PAQR7: variants seen among roughly 807,000 people sequenced by gnomAD.
PAQR7 encodes the protein membrane progestin receptor alpha.
PAQR7 carries 14 observed loss-of-function variants against 24.6 expected under a neutral mutation model. The ratio of observed to expected loss-of-function variants is 0.57; its 90% CI spans 0.38 to 0.89. The LOEUF (loss-of-function observed/expected upper bound fraction) is 0.89. Ranked by LOEUF, PAQR7 falls within the 40% of genes least tolerant of loss-of-function variation. The pLI is 0.00. For synonymous variants in PAQR7, 189 were observed against 198.8 expected, an observed-to-expected ratio of 0.95 and a Z score of 0.42; for missense variants, 351 against 444.0, an observed-to-expected ratio of 0.79 and a Z score of 1.88.
At chr1:25,872,368 G>T (rs2048612944) in intron 1 of PAQR7, among the ~76,000 whole-genome samples, 1 of 152,094 alleles carries the variant, frequency 6.6e-6, no homozygotes, top group Non-Finnish European at 1.5e-5. Context: ...GGGCCCTTAG[G>T]CCCTGGGACA....
intron 1 of PAQR7, among the ~76,000 whole-genome samples, chr1:25,873,938 C>T (rs929331511): frequency 1.3e-5 from 2 of 152,160 alleles, no homozygotes; most frequent in African/African-American, 4.8e-5. Context: ...GGCTGAAGTA[C>T]AATGGCAAGA....
At chr1:25,865,775 C>G (rs2048552081) in intron 2 of PAQR7, among the ~76,000 whole-genome samples, 2 of 152,024 alleles carry the variant, frequency 1.3e-5, no homozygotes, top group African/African-American at 4.8e-5. Flanking sequence ...CCACTGCACT[C>G]CAGCCTGGGC....
chr1:25,869,882 T>C (rs1194926475), intron 2 of PAQR7, among the ~76,000 whole-genome samples: 1 of 152,116 alleles, frequency 6.6e-6, no homozygotes, highest in Non-Finnish European at 1.5e-5. Flanking sequence ...CTTAGGTGAG[T>C]GACAGCGCTC....
chr1:25,866,731 TTTTGTTTG>T, intron 2 of PAQR7, among the ~76,000 whole-genome samples: 1 of 152,188 alleles, frequency 6.6e-6, no homozygotes, highest in South Asian at 2.1e-4. Context: ...TTTTTGTGTG[TTTTGTTTG>T]TTTGTTTGTT....
chr1:25,865,367 A>G (rs931812113), intron 2 of PAQR7, among the ~76,000 whole-genome samples: 2 of 152,142 alleles, frequency 1.3e-5, no homozygotes, highest in South Asian at 4.1e-4. Flanking sequence ...CTGGCACTCA[A>G]TGTTTGCTGA....
rs1316208121 is a variant in PAQR7, at chr1:25,875,588, G to A, written c.-209C>T. On this transcript the variant is annotated 5_prime_UTR_variant, in exon 1 of 3. Transcript: ENST00000675840. This position sits in a 1 kb window ranked among gnomAD's most constrained non-coding sequence, Gnocchi z 5.4. Reference sequence around the variant, plus strand: ...CGGCCCCGCCCCAAGCCGGGGGAGGGCGGGCGGCCTCGGGCGCTCTGGCTA... The same window carrying A: ...CGGCCCCGCCCCAAGCCGGGGGAGGACGGGCGGCCTCGGGCGCTCTGGCTA... Among the ~76,000 whole-genome samples the A allele has an allele frequency of 6.6e-6, 1 of 151,730 alleles. No individual in the cohort carries two copies. The highest frequency in any genetic ancestry group is 1.5e-5 in the Non-Finnish European group (1 of 67,870).
At chr1:25,873,364 A>G (rs1215211989) in intron 1 of PAQR7, among the ~76,000 whole-genome samples, 1 of 152,190 alleles carries the variant, frequency 6.6e-6, no homozygotes, top group Non-Finnish European at 1.5e-5. Context: ...CAGATTATAC[A>G]GGCAAAGTTT....
intron 2 of PAQR7, among the ~76,000 whole-genome samples, chr1:25,865,581 G>A (rs1050185540): frequency 6.6e-5 from 10 of 151,870 alleles, no homozygotes; most frequent in Non-Finnish European, 1.3e-4. Context: ...AGGCCGAGGC[G>A]GGCGGATCAT....
At chr1:25,874,745 T>C (rs1392623719) in intron 1 of PAQR7, among the ~76,000 whole-genome samples, 1 of 152,148 alleles carries the variant, frequency 6.6e-6, no homozygotes, top group Non-Finnish European at 1.5e-5. Context: ...TACAGGGAAA[T>C]TTCTGAAGGT....
intron 2 of PAQR7, among the ~76,000 whole-genome samples, chr1:25,865,685 G>A (rs541358855): frequency 3.3e-5 from 5 of 152,278 alleles, no homozygotes; most frequent in African/African-American, 1.2e-4. Flanking sequence ...GCAGACACCT[G>A]CAGTCCCAGC....
chr1:25,863,002 T>C lies in PAQR7; in HGVS notation c.838A>G (p.Ile280Val). 1 of 1,613,948 alleles carries C rather than the reference T, an allele frequency of 6.2e-7. No homozygotes were observed. Among genetic ancestry groups the C allele is most frequent in the East Asian group, 2.2e-5 (1 of 44,848 alleles). Reference protein sequence around the residue: ...VFGQGHQLFHIFLVLCTLAQL... With the variant: ...VFGQGHQLFHVFLVLCTLAQL... ...GCCAGCGTGCACAGCACCAAGAAGA[T>C]GTGGAAAAGTTGGTGGCCCTGCCCG... Residue 280 changes from isoleucine to valine, a missense_variant, in exon 3 of 3, where the codon ATC becomes GTC. By Grantham distance (29) the Ile-to-Val change is conservative. Transcript: ENST00000675840. This position sits in a 1 kb window ranked among gnomAD's most constrained non-coding sequence, Gnocchi z 6.1.
Position 25,863,261 on chromosome 1 carries a change from C to CTTG in PAQR7, c.576_578dup (p.Asn192dup). On this transcript the variant is annotated inframe_insertion, in exon 3 of 3. Transcript: ENST00000675840. The surrounding 1 kb of genome is among the most constrained non-coding windows in gnomAD (Gnocchi z 6.1). ...CCAGCAGGCCTGGTTTCTGGATGTA[C>CTTG]TTGTTATAGCAGGAGCCAATGCAGG... 6.2e-7 allele frequency: 1 copy of CTTG among 1,614,240 alleles called. No homozygotes were observed. Among genetic ancestry groups the CTTG allele is most frequent in the African/African-American group, 1.3e-5 (1 of 75,072 alleles).
At chr1:25,866,839 TCTC>T (rs2048561072) in intron 2 of PAQR7, among the ~76,000 whole-genome samples, 1 of 151,764 alleles carries the variant, frequency 6.6e-6, no homozygotes, top group Admixed American at 6.6e-5. Context: ...TTCAAGCAAT[TCTC>T]CTGCCTCAGC....
rs869229218 is a variant in PAQR7, at chr1:25,868,751, AAAG to A, written c.-23+1855_-23+1857del. On this transcript the variant is annotated intron_variant, in intron 2 of 2. Coordinates refer to ENST00000675840, the MANE Select transcript of PAQR7 (RefSeq NM_178422.6). ...AAAAAGCTCTAAGAAGTCCTGCAGC[AAAG>A]AAGTTGGCTTAGCTTTGTTGAATCA... Among the ~76,000 whole-genome samples the A allele has an allele frequency of 1.3e-3, 189 of 148,944 alleles. 1 individual carries two copies. The highest frequency in any genetic ancestry group is 4.5e-3 in the African/African-American group (184 of 41,012).
Position 25,863,720 on chromosome 1 carries a change from C to T in PAQR7, c.120G>A (p.Pro40=), listed in dbSNP as rs781294514. ...CATAGATGTACGGCTTCCAGAAGAG[C>T]GGCGGCACCTCAGCTCGATCCACCG... The part of the protein sequence containing the change: ...VFTVDRAEVP[P]LFWKPYIYAG... The change falls in exon 3 of 3, where the codon CCG becomes CCA. Residue 40 remains proline (P), a synonymous_variant. Transcript: ENST00000675840. The surrounding 1 kb of genome is among the most constrained non-coding windows in gnomAD (Gnocchi z 6.1). The T allele has an allele frequency of 2.2e-5, 36 of 1,613,982 alleles. No individual in the cohort carries two copies. The Admixed American group carries it at 4.2e-4, about 19-fold the overall frequency.
intron 2 of PAQR7, among the ~76,000 whole-genome samples, chr1:25,867,033 GTTTTGT>G (rs2048562849): frequency 6.6e-6 from 1 of 151,006 alleles, no homozygotes; most frequent in Non-Finnish European, 1.5e-5. Flanking sequence ...ACCCAGCCTT[GTTTTGT>G]TTTTAAGATA....
In PAQR7 at chr1:25,875,546, A is replaced by G. The variant is rs1039485158; in HGVS notation, c.-167T>C. 7.2e-5 allele frequency among the ~76,000 whole-genome samples: 11 copies of G among 151,804 alleles called. No homozygotes were observed. Among genetic ancestry groups the G allele is most frequent in the Non-Finnish European group, 1.0e-4 (7 of 67,900 alleles). On this transcript the variant is annotated 5_prime_UTR_variant, in exon 1 of 3. Transcript: ENST00000675840. This position sits in a 1 kb window ranked among gnomAD's most constrained non-coding sequence, Gnocchi z 5.4. ...GCCGGGTCGGCGGAGCTGGCAGATAAAAGAGCAGCCGGGCAGCGGCCCCGC... is the reference window on the plus strand; with the variant it reads ...GCCGGGTCGGCGGAGCTGGCAGATAGAAGAGCAGCCGGGCAGCGGCCCCGC...
intron 2 of PAQR7, among the ~76,000 whole-genome samples, chr1:25,865,000 C>G (rs1228440451): frequency 6.6e-6 from 1 of 150,970 alleles, no homozygotes; most frequent in Non-Finnish European, 1.5e-5. Context: ...ACTAAAAATA[C>G]AAAAATTTAG....
At chr1:25,866,041 T>G (rs1368202973) in intron 2 of PAQR7, among the ~76,000 whole-genome samples, 1 of 151,440 alleles carries the variant, frequency 6.6e-6, no homozygotes, top group Non-Finnish European at 1.5e-5. Context: ...TGATAACACT[T>G]CATATCTTTC....
Sources: gnomAD v4.1 joint callset for allele counts (sites outside exome capture counted in the v4.1 genomes callset) on GRCh38, gnomAD v4.1.1 for gene constraint, Gnocchi (gnomAD v3.1) non-coding constraint, MANE v1.5 for transcripts, NCBI Gene and HGNC (gene_info 2026-07-23, HGNC 2026-07-21) for gene names.